ADAMTSL1: variants seen among roughly 807,000 people sequenced by gnomAD.
The protein encoded by ADAMTSL1 is ADAMTS like 1.
In ADAMTSL1, 126 loss-of-function variants were observed where a neutral mutation model predicts 201.8. The observed-to-expected ratio is 0.62, with a 90% confidence interval of 0.54 to 0.72. The LOEUF (loss-of-function observed/expected upper bound fraction) is 0.72. Ranked by LOEUF, ADAMTSL1 falls within the 30% of genes least tolerant of loss-of-function variation. The probability of loss-of-function intolerance (pLI) is 0.00; values close to 1 mark genes in which losing one functional copy is unlikely to be tolerated. For missense variants in ADAMTSL1, 2,679 were observed against 2,277.8 expected (o/e 1.18, Z -3.59); for synonymous variants, 1,121 against 903.4 (o/e 1.24, Z -4.32).
intron 1 of ADAMTSL1, among the ~76,000 whole-genome samples, chr9:18,099,651 TTCTTGAGATGGAG>T (rs1824430510): frequency 7.1e-6 from 1 of 141,764 alleles, no homozygotes; most frequent in African/African-American, 2.8e-5. Flanking sequence ...TTTTTTTTTT[TTCTTGAGATGGAG>T]TCTCGCTCTG....
chr9:18,453,420 A>G (rs1563970003), intron 2 of ADAMTSL1, among the ~76,000 whole-genome samples: 1 of 152,064 alleles, frequency 6.6e-6, no homozygotes. Flanking sequence ...TCTATTATCT[A>G]TCTATACTAA....
chr9:17,919,518 C>T (rs1443668460), intron 1 of ADAMTSL1, among the ~76,000 whole-genome samples: 1 of 152,016 alleles, frequency 6.6e-6, no homozygotes, highest in East Asian at 1.9e-4. Context: ...CACTTATCTA[C>T]CTTCTTAATA....
chr9:18,628,452 T>A (rs894823480), intron 5 of ADAMTSL1, among the ~76,000 whole-genome samples: 1 of 152,256 alleles, frequency 6.6e-6, no homozygotes, highest in African/African-American at 2.4e-5. Flanking sequence ...CCTTCATCAA[T>A]ACTCCATTTT....
intron 1 of ADAMTSL1, among the ~76,000 whole-genome samples, chr9:18,063,972 C>G (rs1822580665): frequency 6.6e-6 from 1 of 152,100 alleles, no homozygotes; most frequent in African/African-American, 2.4e-5. Flanking sequence ...CATTTTATCC[C>G]CCACTGCCTC....
intron 3 of ADAMTSL1, among the ~76,000 whole-genome samples, chr9:18,535,200 A>C (rs768285640): frequency 2.6e-5 from 4 of 152,110 alleles, no homozygotes; most frequent in Non-Finnish European, 5.9e-5. Flanking sequence ...CATCTCTCTC[A>C]AGTTCAAAGT....
chr9:18,106,258 A>G (rs1470423397), intron 1 of ADAMTSL1, among the ~76,000 whole-genome samples: 1 of 152,226 alleles, frequency 6.6e-6, no homozygotes, highest in Non-Finnish European at 1.5e-5. Context: ...TGAGCCTCAT[A>G]TGAAAAGACA....
chr9:18,135,476 A>G (rs1470611185), intron 1 of ADAMTSL1, among the ~76,000 whole-genome samples: 2 of 152,170 alleles, frequency 1.3e-5, no homozygotes, highest in South Asian at 2.1e-4. Flanking sequence ...GTGGACAGTT[A>G]CCACATCCAG....
chr9:18,471,731 A>C (rs1261593122), upstream of ADAMTSL1, among the ~76,000 whole-genome samples: 1 of 152,214 alleles, frequency 6.6e-6, no homozygotes, highest in African/African-American at 2.4e-5. Context: ...TGTGGTGGGC[A>C]TCCTCCAGGC....
At chr9:18,377,178 G>A (rs762126157) in intron 2 of ADAMTSL1, among the ~76,000 whole-genome samples, 2 of 152,170 alleles carry the variant, frequency 1.3e-5, no homozygotes, top group African/African-American at 2.4e-5. Context: ...GCCCTCTCGC[G>A]TCATTTACTA....
rs189107504 is a variant in ADAMTSL1, at chr9:18,093,646, A to T, written c.88-70216A>T. Among the ~76,000 whole-genome samples, 211 of 152,350 alleles carry T rather than the reference A, an allele frequency of 1.4e-3. 1 individual carries two copies. The highest frequency in any genetic ancestry group is 4.9e-3 in the African/African-American group (204 of 41,586). The stretch of plus-strand genomic sequence containing the variant: ...GTTACAGACTAACAAATGTAACTAT[A>T]AAAATCTAGTAAAATTCTTTAGGAA... On this transcript the variant is annotated intron_variant, in intron 1 of 29. Transcript: ENST00000680146.
intron 23 of ADAMTSL1, among the ~76,000 whole-genome samples, chr9:18,866,619 T>C (rs1014611614): frequency 6.6e-6 from 1 of 152,204 alleles, no homozygotes; most frequent in Non-Finnish European, 1.5e-5. Flanking sequence ...GAGGTCACTG[T>C]CCTGATGTGA....
chr9:18,628,048 T>A (rs144199754), intron 5 of ADAMTSL1, among the ~76,000 whole-genome samples: 75 of 152,344 alleles, frequency 4.9e-4, no homozygotes, highest in African/African-American at 1.7e-3. Context: ...ATAGCTTTTT[T>A]ATTCAAAATT....
At chr9:18,517,159 C>T (rs1049739476) in intron 2 of ADAMTSL1, among the ~76,000 whole-genome samples, 2 of 152,124 alleles carry the variant, frequency 1.3e-5, no homozygotes, top group African/African-American at 4.8e-5. Flanking sequence ...AATGTAAGAT[C>T]ATTTGCAAAC....
At chr9:17,984,848 C>T (rs1430395493) in intron 1 of ADAMTSL1, among the ~76,000 whole-genome samples, 2 of 152,006 alleles carry the variant, frequency 1.3e-5, no homozygotes, top group Non-Finnish European at 2.9e-5. Flanking sequence ...AGTTTGGGGG[C>T]CTGGGTCAAA....
At chr9:18,765,517 C>T (rs1336317714) in intron 16 of ADAMTSL1, among the ~76,000 whole-genome samples, 3 of 152,116 alleles carry the variant, frequency 2.0e-5, no homozygotes, top group Admixed American at 2.0e-4. Context: ...TATCAAAACA[C>T]CATATACTCC....
At chr9:18,010,144 A>G (rs1026426051) in intron 1 of ADAMTSL1, among the ~76,000 whole-genome samples, 3 of 152,038 alleles carry the variant, frequency 2.0e-5, no homozygotes, top group African/African-American at 4.8e-5. Context: ...ATTCAGTTTC[A>G]CAATTTGCCA....
rs146464834 is a variant in ADAMTSL1 at position 18,505,036 on chromosome 9, G to A, written c.191+80G>A. 115 of 1,502,970 alleles carry A rather than the reference G, an allele frequency of 7.7e-5. 1 individual carries two copies. Among genetic ancestry groups the A allele is most frequent in the Admixed American group, 4.9e-4 (20 of 40,612 alleles). 93.1% of individuals were successfully genotyped at this position (1,502,970 alleles called of 1,614,324 possible). Reference sequence around the variant, plus strand: ...GGCATGCTTTTGTGATTGGGTTTATGGAGAACATTTTGTGGCTTACAGATC... The same window carrying A: ...GGCATGCTTTTGTGATTGGGTTTATAGAGAACATTTTGTGGCTTACAGATC... On this transcript the variant is annotated intron_variant, in intron 2 of 28. Transcript: ENST00000380548.
rs1348108341 is a variant in ADAMTSL1, at chr9:18,456,941, A to G, written c.208-47888A>G. On this transcript the variant is annotated intron_variant, in intron 2 of 29. Transcript: ENST00000680146. ...CTGGCTGGAATGGAAGCACCACAGAATCAGAGATCTTACGTGGCTATCTCA... is the reference window on the plus strand; with the variant it reads ...CTGGCTGGAATGGAAGCACCACAGAGTCAGAGATCTTACGTGGCTATCTCA... Among the ~76,000 whole-genome samples, 4 of 152,232 alleles carry G rather than the reference A, an allele frequency of 2.6e-5. No homozygotes were observed. The East Asian group carries it at 7.7e-4, about 29-fold the overall frequency.
intron 1 of ADAMTSL1, among the ~76,000 whole-genome samples, chr9:17,972,084 T>G (rs1322432775): frequency 6.6e-6 from 1 of 151,940 alleles, no homozygotes; most frequent in Non-Finnish European, 1.5e-5. Flanking sequence ...ATATTCATCA[T>G]CTCACAGTGA....
Sources: gnomAD v4.1 joint callset for allele counts (sites outside exome capture counted in the v4.1 genomes callset) on GRCh38, gnomAD v4.1.1 for gene constraint, MANE v1.5 for transcripts, NCBI Gene and HGNC (gene_info 2026-07-23, HGNC 2026-07-21) for gene names.